NPAS3: variants seen among roughly 807,000 people sequenced by gnomAD.
The protein encoded by NPAS3 is neuronal PAS domain protein 3.
NPAS3 carries 14 observed loss-of-function variants against 73.1 expected under a neutral mutation model. The observed-to-expected ratio is 0.19, with a 90% CI of 0.13 to 0.30. The LOEUF is 0.30. NPAS3 is among the 10% of genes least tolerant of loss of function. The pLI is 1.00. For synonymous variants in NPAS3, 620 were observed against 541.5 expected (o/e 1.14, Z -2.01); for missense variants, 1,096 against 1,250.0 (o/e 0.88, Z 1.86).
At chr14:33,412,041 A>G (rs1218041186) in intron 4 of NPAS3, among the ~76,000 whole-genome samples, 5 of 152,214 alleles carry the variant, frequency 3.3e-5, no homozygotes, top group Admixed American at 3.3e-4. Context: ...ATGTGTCTGC[A>G]TAGCTTTGCA....
chr14:33,684,550 G>A (rs768323020), intron 6 of NPAS3, among the ~76,000 whole-genome samples: 5 of 152,034 alleles, frequency 3.3e-5, no homozygotes, highest in Non-Finnish European at 5.9e-5. Context: ...TGCCCGCCTC[G>A]GCCTCCCAAA....
At chr14:33,626,932 T>C (rs2058237792) in intron 5 of NPAS3, among the ~76,000 whole-genome samples, 1 of 152,156 alleles carries the variant, frequency 6.6e-6, no homozygotes, top group Non-Finnish European at 1.5e-5. Flanking sequence ...GGTACTATAC[T>C]CAAAACTTCT....
chr14:33,765,364 A>T (rs1209694517), intron 7 of NPAS3, among the ~76,000 whole-genome samples: 1 of 151,582 alleles, frequency 6.6e-6, no homozygotes, highest in Non-Finnish European at 1.5e-5. Flanking sequence ...GAGCCATCAA[A>T]TGAAGGGTTA....
chr14:33,262,133 G>A (rs1403316169), intron 3 of NPAS3, among the ~76,000 whole-genome samples: 1 of 152,170 alleles, frequency 6.6e-6, no homozygotes, highest in African/African-American at 2.4e-5. Flanking sequence ...AAGGGAGGCA[G>A]CATTTCTTTT....
At chr14:32,982,655 C>T (rs899442935) in intron 1 of NPAS3, among the ~76,000 whole-genome samples, 4 of 152,202 alleles carry the variant, frequency 2.6e-5, no homozygotes, top group Admixed American at 2.0e-4. Context: ...TCTTCCTTCT[C>T]AAATTCAATT....
rs180780526 is a variant in NPAS3, at chr14:33,091,703, G to A, written c.140+35709G>A. 2.6e-3 allele frequency among the ~76,000 whole-genome samples: 391 copies of A among 152,124 alleles called. 4 individuals are homozygous for A. The highest frequency in any genetic ancestry group is 8.7e-3 in the African/African-American group (363 of 41,500). On this transcript the variant is annotated intron_variant, in intron 2 of 11. Transcript: ENST00000356141. ...TTTTAGACCAATATCCCTGATGAAC[G>A]TCGATGCAAAAATCCTCAGTAAAAT...
intron 4 of NPAS3, among the ~76,000 whole-genome samples, chr14:33,439,295 G>A (rs2049129349): frequency 6.6e-6 from 1 of 152,184 alleles, no homozygotes; most frequent in South Asian, 2.1e-4. Context: ...TGTATATTAG[G>A]ACGTTTCATA....
chr14:33,486,138 G>A (rs2051582198), intron 4 of NPAS3, among the ~76,000 whole-genome samples: 1 of 151,906 alleles, frequency 6.6e-6, no homozygotes, highest in Admixed American at 6.6e-5. Flanking sequence ...CCCATGGAAG[G>A]AATGCATTTT....
chr14:33,062,289 TGAAAAAAAAAA>T (rs1405874145), intron 2 of NPAS3, among the ~76,000 whole-genome samples: 1 of 142,178 alleles, frequency 7.0e-6, no homozygotes, highest in Non-Finnish European at 1.5e-5. Flanking sequence ...TTCCCACCTA[TGAAAAAAAAAA>T]GAAAAAAAAA....
chr14:33,384,022 T>C (rs968600849), intron 4 of NPAS3, among the ~76,000 whole-genome samples: 6 of 152,224 alleles, frequency 3.9e-5, no homozygotes, highest in African/African-American at 1.4e-4. Flanking sequence ...CCTGAAGGAG[T>C]ACATGGCTGT....
chr14:33,032,793 A>G (rs1408963017), intron 1 of NPAS3, among the ~76,000 whole-genome samples: 1 of 152,152 alleles, frequency 6.6e-6, no homozygotes, highest in Non-Finnish European at 1.5e-5. Flanking sequence ...GTTATTTCCA[A>G]ACAAATTATT....
intron 10 of NPAS3, among the ~76,000 whole-genome samples, chr14:33,795,246 C>T (rs2063478152): frequency 6.6e-6 from 1 of 152,148 alleles, no homozygotes; most frequent in Non-Finnish European, 1.5e-5. Context: ...CTTCATTTAT[C>T]TACTTTCTAT....
intron 1 of NPAS3, among the ~76,000 whole-genome samples, chr14:33,036,864 C>G (rs1424381128): frequency 2.0e-5 from 3 of 152,254 alleles, no homozygotes; most frequent in East Asian, 1.9e-4. Context: ...CAGACCCATC[C>G]CATCAAGGGG....
At position 33,289,927 on chromosome 14, in the gene NPAS3, C is replaced by T. The variant is rs368241226; in HGVS notation, c.385+74501C>T. On this transcript the variant is annotated intron_variant, in intron 3 of 11. Coordinates refer to ENST00000356141, the Ensembl canonical transcript of NPAS3. ...AAAATGCTGTCACTACCAAGAAATT[C>T]CTGTCTGATACGCCCATCTCAGGCT... Among the ~76,000 whole-genome samples, 6 of 152,028 alleles carry T rather than the reference C, an allele frequency of 3.9e-5. 1 individual carries two copies. The East Asian group carries it at 9.6e-4, about 24-fold the overall frequency.
At chr14:33,099,434 G>A (rs1052828257) in intron 2 of NPAS3, among the ~76,000 whole-genome samples, 13 of 152,006 alleles carry the variant, frequency 8.6e-5, no homozygotes, top group African/African-American at 3.1e-4. Flanking sequence ...TGAATCTCAG[G>A]TTCAGAAGCC....
chr14:33,599,343 A>G (rs2057335019), intron 5 of NPAS3, among the ~76,000 whole-genome samples: 2 of 152,218 alleles, frequency 1.3e-5, no homozygotes, highest in Admixed American at 1.3e-4. Context: ...ATTTTGAAGA[A>G]TTAGGTATTG....
intron 1 of NPAS3, among the ~76,000 whole-genome samples, chr14:33,026,744 C>T (rs980266563): frequency 2.6e-5 from 4 of 152,086 alleles, no homozygotes; most frequent in Non-Finnish European, 5.9e-5. Context: ...ACTCATTCAT[C>T]AGAAAGCTAG....
intron 6 of NPAS3, among the ~76,000 whole-genome samples, chr14:33,679,931 G>C (rs115918298): frequency 0.01 from 1,548 of 152,292 alleles, 19 homozygotes; most frequent in African/African-American, 0.034. Flanking sequence ...TATTATCTCA[G>C]AGAAATCTTA....
rs554246450 is a variant in NPAS3 at position 33,787,652 on chromosome 14, A to T, written c.1154-6245A>T. ...AATTTCTGGATGCCTGCTATTTAAGACATCTAGCTCACTAATTGCAAAATC... is the reference window on the plus strand; with the variant it reads ...AATTTCTGGATGCCTGCTATTTAAGTCATCTAGCTCACTAATTGCAAAATC... On this transcript the variant is annotated intron_variant, in intron 9 of 11. Coordinates refer to ENST00000356141, the Ensembl canonical transcript of NPAS3. Among the ~76,000 whole-genome samples the T allele has an allele frequency of 2.6e-5, 4 of 152,234 alleles. No homozygotes were observed. The South Asian group carries it at 8.3e-4, about 32-fold the overall frequency.
Sources: gnomAD v4.1 joint callset for allele counts (sites outside exome capture counted in the v4.1 genomes callset) on GRCh38, gnomAD v4.1.1 for gene constraint, MANE v1.5 for transcripts, NCBI Gene and HGNC (gene_info 2026-07-23, HGNC 2026-07-21) for gene names.